The following PHACTR3 variants were observed in gnomAD, a reference collection of about 807,000 sequenced individuals.
PHACTR3 encodes phosphatase and actin regulator 3, also known as protein phosphatase 1, regulatory subunit 123.
A neutral mutation model predicts 66.8 loss-of-function variants in PHACTR3; 16 were observed. The ratio of observed to expected loss-of-function variants is 0.24; its 90% CI spans 0.16 to 0.36. The LOEUF (loss-of-function observed/expected upper bound fraction) is 0.36, where lower values mean the gene tolerates loss of function less well. PHACTR3 is among the 10% of genes least tolerant of loss of function. PHACTR3 has a pLI of 1.00. For missense variants in PHACTR3, 647 were observed against 719.9 expected (o/e 0.90, Z 1.16); for synonymous variants, 323 against 292.1 (o/e 1.11, Z -1.08).
At chr20:59,707,040 T>C (rs989882510) in intron 1 of PHACTR3, among the ~76,000 whole-genome samples, 12 of 151,748 alleles carry the variant, frequency 7.9e-5, no homozygotes, top group African/African-American at 2.7e-4. Context: ...GGAAAAAAAA[T>C]AGTCCGACTT....
upstream of PHACTR3, among the ~76,000 whole-genome samples, chr20:59,600,875 T>C (rs932693825): frequency 2.0e-5 from 3 of 151,732 alleles, no homozygotes; most frequent in African/African-American, 7.3e-5. Context: ...TCAGTGTTGA[T>C]TATGCCCACC....
At chr20:59,840,341 T>G in intron 9 of PHACTR3, 28 bp from the exon 10 acceptor site, 1 of 1,598,940 alleles carries the variant, frequency 6.3e-7, no homozygotes, top group Non-Finnish European at 8.5e-7. Context: ...CTTTGTTATT[T>G]TTTTTTTCCT....
At chr20:59,741,195 G>A (rs2039148135) in intron 1 of PHACTR3, among the ~76,000 whole-genome samples, 1 of 152,246 alleles carries the variant, frequency 6.6e-6, no homozygotes, top group Admixed American at 6.5e-5. Context: ...GTCTGCATCA[G>A]CTTAGGGCTC....
intron 1 of PHACTR3, among the ~76,000 whole-genome samples, chr20:59,623,260 G>C (rs897701394): frequency 6.6e-6 from 1 of 152,000 alleles, no homozygotes; most frequent in Admixed American, 6.5e-5. Flanking sequence ...GATCAGGCTT[G>C]GTCCAGCCCG....
chr20:59,601,686 T>C (rs1417655189), upstream of PHACTR3, among the ~76,000 whole-genome samples: 17 of 152,256 alleles, frequency 1.1e-4, no homozygotes, highest in Non-Finnish European at 1.2e-4. Flanking sequence ...TATCTTCTAT[T>C]GGTCAGTAGA....
intron 1 of PHACTR3, among the ~76,000 whole-genome samples, chr20:59,648,651 C>T (rs1042616102): frequency 5.3e-5 from 8 of 152,198 alleles, no homozygotes; most frequent in African/African-American, 1.4e-4. Flanking sequence ...TCCAGGCTTA[C>T]GCTGACCTTG....
chr20:59,589,463 C>T lies in PHACTR3; in HGVS notation c.109+11846C>T, dbSNP rs537895543. On this transcript the variant is annotated intron_variant, in intron 1 of 12. Transcript: ENST00000359926. ...GATCATCATTGCTACGGCTGCAGAA[C>T]GTAAGATCTATTTTTAAAGCACTAC... is the stretch of plus-strand genomic sequence containing the variant. Among the ~76,000 whole-genome samples the T allele has an allele frequency of 1.4e-4, 22 of 152,272 alleles. No individual in the cohort carries two copies. In the South Asian group the frequency reaches 3.7e-3, roughly 26 times the overall value.
chr20:59,724,149 C>T (rs1407411686), intron 1 of PHACTR3, among the ~76,000 whole-genome samples: 3 of 152,102 alleles, frequency 2.0e-5, no homozygotes, highest in East Asian at 1.9e-4. Flanking sequence ...CCCTCAGGGT[C>T]GGGATGTGAT....
At chr20:59,767,083 C>A in intron 4 of PHACTR3, 103 bp from the exon 5 acceptor site, 1 of 1,135,090 alleles carries the variant, frequency 8.8e-7, no homozygotes, top group Non-Finnish European at 1.3e-6. Context: ...GCTCTGTATG[C>A]TCTTCACGAT....
At chr20:59,594,027 T>C (rs2033258084) in intron 1 of PHACTR3, among the ~76,000 whole-genome samples, 1 of 152,252 alleles carries the variant, frequency 6.6e-6, no homozygotes, top group Non-Finnish European at 1.5e-5. Flanking sequence ...AGTTTGTGAA[T>C]AGTCACAACT....
At chr20:59,735,213 TCTC>T (rs1051441022) in intron 1 of PHACTR3, among the ~76,000 whole-genome samples, 6 of 152,072 alleles carry the variant, frequency 3.9e-5, no homozygotes, top group Admixed American at 2.0e-4. Flanking sequence ...TTCCTTCTTT[TCTC>T]CTCCATAAAT....
At chr20:59,664,574 T>C (rs1020216646) in intron 1 of PHACTR3, among the ~76,000 whole-genome samples, 12 of 152,070 alleles carry the variant, frequency 7.9e-5, no homozygotes, top group Non-Finnish European at 1.8e-4. Context: ...CTCCTACACC[T>C]CCCTTCCCAA....
rs1047428636 is a variant in PHACTR3 at position 59,827,365 on chromosome 20, T to A, written c.1329-9140T>A. Among the ~76,000 whole-genome samples, 4 of 152,076 alleles carry A rather than the reference T, an allele frequency of 2.6e-5. No individual in the cohort carries two copies. In the East Asian group the frequency reaches 5.8e-4, roughly 22 times the overall value. On this transcript the variant is annotated intron_variant, in intron 8 of 12. Transcript: ENST00000371015. ...TGCAGAGGGTGAAGGACTCATCTCATCTGTATCCCAGGGGCACTAACCCAA... is the reference window on the plus strand; with the variant it reads ...TGCAGAGGGTGAAGGACTCATCTCAACTGTATCCCAGGGGCACTAACCCAA...
chr20:59,635,921 T>C (rs1018033554), intron 1 of PHACTR3, among the ~76,000 whole-genome samples: 2 of 152,230 alleles, frequency 1.3e-5, no homozygotes, highest in African/African-American at 4.8e-5. Context: ...TGAGTGTCCT[T>C]GCTGTGAAGT....
chr20:59,727,757 GAA>G (rs2038619061), intron 1 of PHACTR3, among the ~76,000 whole-genome samples: 1 of 152,168 alleles, frequency 6.6e-6, no homozygotes, highest in South Asian at 2.1e-4. Flanking sequence ...GATGCTCAAA[GAA>G]AATATTCATC....
chr20:59,657,607 A>G (rs1287238197), intron 1 of PHACTR3, among the ~76,000 whole-genome samples: 4 of 152,074 alleles, frequency 2.6e-5, no homozygotes, highest in Non-Finnish European at 5.9e-5. Flanking sequence ...TTTCTCCTTC[A>G]GCACTTTGAA....
chr20:59,798,099 G>A (rs2041306129), intron 7 of PHACTR3, among the ~76,000 whole-genome samples: 1 of 152,174 alleles, frequency 6.6e-6, no homozygotes, highest in African/African-American at 2.4e-5. Context: ...TGGAGGCTAG[G>A]AGTTCAAGAA....
intron 4 of PHACTR3, among the ~76,000 whole-genome samples, chr20:59,756,100 G>C (rs997143189): frequency 6.6e-6 from 1 of 152,092 alleles, no homozygotes; most frequent in Admixed American, 6.5e-5. Flanking sequence ...AGACCAGGGC[G>C]CTTCCCAAGG....
Position 59,605,065 on chromosome 20 carries a change from G to A in PHACTR3, c.51G>A (p.Ser17=). Residue 17 remains serine, a synonymous_variant, in exon 1 of 13, where the codon TCG becomes TCA. Coordinates refer to ENST00000371015, the MANE Select transcript of PHACTR3 (RefSeq NM_080672.5). ...GSGCLVSRGR[S]QSDPSVLTDS... ...GCTGCCTCGTGTCGCGGGGCCGCTC[G>A]CAGAGTGACCCCAGCGTCCTCACCG... The A allele has an allele frequency of 1.4e-6, 2 of 1,413,322 alleles. No homozygotes were observed. Among genetic ancestry groups the A allele is most frequent in the Admixed American group, 2.9e-5 (1 of 34,248 alleles). 87.5% of individuals were successfully genotyped at this position (1,413,322 alleles called of 1,614,324 possible). A position where few individuals can be genotyped will look rare whatever the true frequency, so the allele number is the denominator to read the frequency against.
Sources: allele counts gnomAD v4.1 joint callset (sites outside exome capture counted in the v4.1 genomes callset), GRCh38; gene constraint gnomAD v4.1.1; transcripts MANE v1.5; gene names NCBI Gene and HGNC (gene_info 2026-07-23, HGNC 2026-07-21).